The following RABGAP1L variants were observed in gnomAD, a reference collection of about 807,000 sequenced individuals.
RABGAP1L encodes RAB GTPase activating protein 1 like, also known as rab GTPase-activating protein 1-like.
RABGAP1L carries 63 observed loss-of-function variants against 137.7 expected under a neutral mutation model. The ratio of observed to expected loss-of-function variants is 0.46; its 90% CI spans 0.37 to 0.56. The LOEUF (loss-of-function observed/expected upper bound fraction) is 0.56, where lower values mean the gene tolerates loss of function less well. Ranked by LOEUF, RABGAP1L falls within the 20% of genes least tolerant of loss-of-function variation. The pLI, the probability that RABGAP1L is intolerant of heterozygous loss-of-function variation, is 0.00. For synonymous variants in RABGAP1L, 431 were observed against 433.7 expected (o/e 0.99, Z 0.08); for missense variants, 1,095 against 1,244.0 (o/e 0.88, Z 1.80).
Position 174,993,288 on chromosome 1 carries a change from C to T in RABGAP1L, c.*3287C>T, listed in dbSNP as rs1163336369. On this transcript the variant is annotated 3_prime_UTR_variant, in exon 26 of 26. Coordinates refer to ENST00000681986, the MANE Select transcript of RABGAP1L (RefSeq NM_001366446.1). Reference sequence around the variant, plus strand: ...CATTCAACCAGTGTCTTCTGCCCCTCTCCCAGCTGTTAAATTAGTACTTCT... The same window carrying T: ...CATTCAACCAGTGTCTTCTGCCCCTTTCCCAGCTGTTAAATTAGTACTTCT... 1 of 152,224 alleles carries T rather than the reference C, an allele frequency of 6.6e-6. No homozygotes were observed. The highest frequency in any genetic ancestry group is 2.4e-5 in the African/African-American group (1 of 41,456). 9.4% of individuals were successfully genotyped at this position (152,224 alleles called of 1,614,324 possible). A position where few individuals can be genotyped will look rare whatever the true frequency, so the allele number is the denominator to read the frequency against.
rs540165452 is a variant in RABGAP1L at position 174,849,772 on chromosome 1, A to G, written c.2340+37812A>G. ...TCTTGGGCTATTTTCTCAGCAGTTC[A>G]TGTTTCTGGATAAAGTTTATGATTA... is the stretch of plus-strand genomic sequence containing the variant. On this transcript the variant is annotated intron_variant, in intron 19 of 25. Transcript: ENST00000681986. 249 of 517,550 alleles carry G rather than the reference A, an allele frequency of 4.8e-4. 1 individual carries two copies. The highest frequency in any genetic ancestry group is 8.7e-4 in the Non-Finnish European group (223 of 256,270). The allele number at this position is 517,550 out of a possible 1,614,324, so 32.1% of individuals were successfully genotyped here.
At chr1:174,380,734 A>T (rs1686059199) in intron 12 of RABGAP1L, among the ~76,000 whole-genome samples, 1 of 123,156 alleles carries the variant, frequency 8.1e-6, no homozygotes, top group African/African-American at 3.1e-5. Context: ...CCTTTCAAAA[A>T]ACCAGCTCCT....
intron 19 of RABGAP1L, among the ~76,000 whole-genome samples, chr1:174,904,834 A>G (rs1658769480): frequency 6.6e-6 from 1 of 151,818 alleles, no homozygotes; most frequent in Non-Finnish European, 1.5e-5. Context: ...ATTTGTTTGT[A>G]GAGACGGGGG....
chr1:174,601,249 G>C (rs545993270), intron 13 of RABGAP1L, among the ~76,000 whole-genome samples: 1 of 152,334 alleles, frequency 6.6e-6, no homozygotes, highest in African/African-American at 2.4e-5. Context: ...TTCCTCCGGG[G>C]CCTCCAGGCC....
chr1:174,479,154 C>T (rs1344944788), intron 13 of RABGAP1L, among the ~76,000 whole-genome samples: 2 of 152,216 alleles, frequency 1.3e-5, no homozygotes, highest in Non-Finnish European at 2.9e-5. Context: ...TCTGATTAAG[C>T]AGGGTTGGCA....
chr1:174,800,234 C>G (rs1283221094), intron 18 of RABGAP1L: 15 of 1,450,388 alleles, frequency 1.0e-5, no homozygotes, highest in African/African-American at 1.4e-5. Flanking sequence ...CTTGTACGTC[C>G]TCCCAGGGAG....
At chr1:174,370,788 TTTG>T (rs1420009239) in intron 11 of RABGAP1L, among the ~76,000 whole-genome samples, 188 bp from the exon 12 acceptor site, 6 of 152,092 alleles carry the variant, frequency 3.9e-5, no homozygotes, top group African/African-American at 1.2e-4. Context: ...TTCATAAAAG[TTTG>T]TTCTTTTAAA....
chr1:174,851,458 T>TTTCCCTCTTTCAGATTATAGTC (rs71117582), intron 19 of RABGAP1L, among the ~76,000 whole-genome samples: 98,195 of 152,104 alleles, frequency 0.65, 34,217 homozygotes, highest in East Asian at 0.93. Flanking sequence ...TGTCTCAGTC[T>TTTCCCTCTTTCAGATTATAGTC]TTAGAAGCAA....
At chr1:174,693,873 A>G (rs1041018353) in intron 15 of RABGAP1L, among the ~76,000 whole-genome samples, 3 of 152,236 alleles carry the variant, frequency 2.0e-5, no homozygotes, top group Admixed American at 2.0e-4. Flanking sequence ...TATTAAGTAC[A>G]TGATATAATA....
intron 10 of RABGAP1L, among the ~76,000 whole-genome samples, chr1:174,300,842 G>C (rs1677627711): frequency 6.6e-6 from 1 of 152,120 alleles, no homozygotes; most frequent in African/African-American, 2.4e-5. Context: ...CTCCAGCCTG[G>C]GTGACAGAGT....
intron 18 of RABGAP1L, among the ~76,000 whole-genome samples, chr1:174,755,911 T>C (rs1219534121): frequency 1.3e-5 from 2 of 152,216 alleles, no homozygotes; most frequent in Non-Finnish European, 2.9e-5. Context: ...ATGTGGACAT[T>C]GGAGTCAGAC....
chr1:174,263,424 T>C (rs576842185), intron 7 of RABGAP1L, among the ~76,000 whole-genome samples: 4 of 152,238 alleles, frequency 2.6e-5, no homozygotes, highest in Admixed American at 6.5e-5. Flanking sequence ...TTCTTTATAG[T>C]AAATTTTCCC....
intron 13 of RABGAP1L, among the ~76,000 whole-genome samples, chr1:174,447,106 A>T (rs1254573893): frequency 1.3e-5 from 2 of 152,210 alleles, no homozygotes; most frequent in East Asian, 3.8e-4. Flanking sequence ...TAAGTTATAG[A>T]TGCCAAATTA....
At chr1:174,846,453 CA>C in intron 19 of RABGAP1L, among the ~76,000 whole-genome samples, 1 of 149,488 alleles carries the variant, frequency 6.7e-6, no homozygotes, top group African/African-American at 2.4e-5. Context: ...TTTCAAAGAA[CA>C]TCTTTATTTC....
In RABGAP1L at chr1:174,330,990, G is replaced by T. The variant is rs190411282; in HGVS notation, c.1465+25863G>T. Among the ~76,000 whole-genome samples, 18 of 152,200 alleles carry T rather than the reference G, an allele frequency of 1.2e-4. No individual in the cohort carries two copies. In the East Asian group the frequency reaches 3.5e-3, roughly 29 times the overall value. ...TATGGCATTGGCATAAAAAATAGAC[G>T]CATAGACCTATGGAACAAAATAGAG... On this transcript the variant is annotated intron_variant, in intron 11 of 25. Transcript: ENST00000681986.
At chr1:174,542,672 T>C (rs1396021561) in intron 13 of RABGAP1L, among the ~76,000 whole-genome samples, 3 of 152,238 alleles carry the variant, frequency 2.0e-5, no homozygotes, top group Non-Finnish European at 4.4e-5. Context: ...TCTAGTTCTT[T>C]TAATTGTGAT....
chr1:174,723,787 G>A (rs1681772279), intron 17 of RABGAP1L, among the ~76,000 whole-genome samples: 1 of 152,076 alleles, frequency 6.6e-6, no homozygotes, highest in Admixed American at 6.6e-5. Flanking sequence ...TATTTGCCTT[G>A]TTTTTCCCTT....
rs1488719957 is a variant in RABGAP1L at position 174,540,000 on chromosome 1, T to A, written c.1711-97375T>A. Among the ~76,000 whole-genome samples the A allele has an allele frequency of 2.0e-5, 3 of 152,226 alleles. No individual in the cohort carries two copies. In the East Asian group the frequency reaches 5.8e-4, roughly 29 times the overall value. On this transcript the variant is annotated intron_variant, in intron 13 of 25. Transcript: ENST00000681986. ...GATCGCCATTCTAACTGGTATGAAA[T>A]GGTATCTCATTGTGGTTTTGATTTG...
intron 15 of RABGAP1L, among the ~76,000 whole-genome samples, chr1:174,698,668 T>C (rs1469710099): frequency 6.6e-6 from 1 of 152,034 alleles, no homozygotes; most frequent in Non-Finnish European, 1.5e-5. Context: ...TACTATGTAA[T>C]TGCTTTTAAA....
Sources: gnomAD v4.1 joint callset for allele counts (sites outside exome capture counted in the v4.1 genomes callset) on GRCh38, gnomAD v4.1.1 for gene constraint, MANE v1.5 for transcripts, NCBI Gene and HGNC (gene_info 2026-07-23, HGNC 2026-07-21) for gene names.